Variants in TTC23 observed in about 807,000 individuals in gnomAD.
TTC23 encodes tetratricopeptide repeat domain 23, also known as tetratricopeptide repeat protein 23.
TTC23 carries 58 observed loss-of-function variants against 55.1 expected under a neutral mutation model. That is an observed-to-expected ratio of 1.05 (90% confidence interval 0.85 to 1.31). TTC23 has a LOEUF of 1.31. Among genes scored for constraint, TTC23 ranks in the 50% most tolerant of loss-of-function variants. The pLI is 0.00. For missense variants in TTC23, 516 were observed against 534.4 expected (o/e 0.97, Z 0.34); for synonymous variants, 203 against 199.9 (o/e 1.02, Z -0.13).
intron 12 of TTC23, chr15:99,144,414 CA>C (rs1331279552): frequency 2.6e-5 from 4 of 152,298 alleles, no homozygotes; most frequent in African/African-American, 9.6e-5. Flanking sequence ...TTTTCTGTTT[CA>C]GGGGGATCTG....
At chr15:99,147,133 C>T (rs2068984939) in intron 12 of TTC23, among the ~76,000 whole-genome samples, 2 of 149,774 alleles carry the variant, frequency 1.3e-5, no homozygotes, top group Admixed American at 1.3e-4. Flanking sequence ...CAGTCTAGTC[C>T]TGAACTCTTG....
intron 12 of TTC23, among the ~76,000 whole-genome samples, chr15:99,154,926 G>A (rs2070332004): frequency 6.6e-6 from 1 of 152,172 alleles, no homozygotes; most frequent in Non-Finnish European, 1.5e-5. Flanking sequence ...CTCCACTACT[G>A]TTTATTATTA....
intron 2 of TTC23, among the ~76,000 whole-genome samples, chr15:99,244,904 C>A (rs924140691): frequency 6.6e-6 from 1 of 152,078 alleles, no homozygotes; most frequent in Admixed American, 6.6e-5. Flanking sequence ...TAAAAGTAAT[C>A]AAAAGTGTTG....
At chr15:99,229,003 T>C (rs1358757315) in intron 4 of TTC23, among the ~76,000 whole-genome samples, 1 of 152,142 alleles carries the variant, frequency 6.6e-6, no homozygotes, top group African/African-American at 2.4e-5. Flanking sequence ...TACATGTATA[T>C]GTGTATGTAT....
intron 9 of TTC23, among the ~76,000 whole-genome samples, chr15:99,182,165 C>T: frequency 6.6e-6 from 1 of 151,796 alleles, no homozygotes; most frequent in East Asian, 1.9e-4. Context: ...CTGCCTTAAC[C>T]TCTTTTTCTC....
intron 3 of TTC23, among the ~76,000 whole-genome samples, chr15:99,236,919 A>T (rs980054359): frequency 4.6e-5 from 7 of 150,682 alleles, no homozygotes; most frequent in Admixed American, 6.6e-5. Flanking sequence ...CTGGTGCCAT[A>T]TCTGACAGTT....
At chr15:99,188,541 C>T (rs1165852080) in intron 9 of TTC23, among the ~76,000 whole-genome samples, 2 of 151,870 alleles carry the variant, frequency 1.3e-5, no homozygotes, top group Non-Finnish European at 2.9e-5. Flanking sequence ...AAGATATTTA[C>T]AACATATGTC....
At chr15:99,187,292 C>T (rs1182262751) in intron 9 of TTC23, among the ~76,000 whole-genome samples, 3 of 151,244 alleles carry the variant, frequency 2.0e-5, no homozygotes, top group African/African-American at 7.3e-5. Context: ...AAGTTGGACC[C>T]CTATACCTCA....
chr15:99,227,188 G>C (rs909094655), intron 5 of TTC23, among the ~76,000 whole-genome samples: 4 of 151,992 alleles, frequency 2.6e-5, no homozygotes, highest in African/African-American at 9.7e-5. Flanking sequence ...CTATAATCCT[G>C]GTCTTTCTCC....
chr15:99,222,253 C>G (rs2078003002), intron 5 of TTC23, among the ~76,000 whole-genome samples: 1 of 152,084 alleles, frequency 6.6e-6, no homozygotes, highest in South Asian at 2.1e-4. Context: ...TCAAATAGTA[C>G]ACTTTGTGTG....
intron 8 of TTC23, among the ~76,000 whole-genome samples, chr15:99,217,267 C>T (rs762386575): frequency 5.9e-5 from 9 of 151,794 alleles, no homozygotes; most frequent in Non-Finnish European, 1.0e-4. Context: ...AGCGATTTCT[C>T]CTGCCTCAGC....
intron 9 of TTC23, among the ~76,000 whole-genome samples, chr15:99,185,495 C>G (rs957544409): frequency 2.0e-5 from 3 of 152,076 alleles, no homozygotes; most frequent in East Asian, 1.9e-4. Context: ...CTTTGCAAGT[C>G]AAAATACCCT....
chr15:99,146,141 C>T (rs1164249292), intron 12 of TTC23, among the ~76,000 whole-genome samples: 1 of 152,236 alleles, frequency 6.6e-6, no homozygotes, highest in Non-Finnish European at 1.5e-5. Flanking sequence ...ACAACGACTG[C>T]AATACAAATA....
chr15:99,139,539 C>G (rs1555489152), intron 12 of TTC23, 140 bp from the exon 13 acceptor site: 4 of 1,548,810 alleles, frequency 2.6e-6, no homozygotes, highest in Non-Finnish European at 3.5e-6. Flanking sequence ...TGGGATGTCT[C>G]CTAGTGACTG....
chr15:99,139,835 A>G (rs908292849), intron 12 of TTC23: 5 of 1,028,466 alleles, frequency 4.9e-6, no homozygotes, highest in Non-Finnish European at 6.5e-6. Context: ...TCTTGACTAC[A>G]CAGCAATGTC....
intron 13 of TTC23, among the ~76,000 whole-genome samples, chr15:99,138,903 C>T (rs942136110): frequency 1.3e-5 from 2 of 152,306 alleles, no homozygotes; most frequent in Middle Eastern, 3.4e-3. Context: ...GGCCTCTGCT[C>T]GGGCTGAGAA....
chr15:99,245,973 C>T (rs974662852), intron 1 of TTC23, among the ~76,000 whole-genome samples: 2 of 152,038 alleles, frequency 1.3e-5, no homozygotes, highest in African/African-American at 2.4e-5. Flanking sequence ...TGCCTACCAC[C>T]ACGCCCAGCT....
chr15:99,139,696 C>T, intron 12 of TTC23: 1 of 1,376,900 alleles, frequency 7.3e-7, no homozygotes, highest in Non-Finnish European at 9.6e-7. Context: ...TGGTACTGAC[C>T]AGAGGATGGG....
chr15:99,220,984 A>G (rs1291457114), intron 6 of TTC23, among the ~76,000 whole-genome samples: 1 of 152,218 alleles, frequency 6.6e-6, no homozygotes, highest in Admixed American at 6.5e-5. Flanking sequence ...TCAGGATCCA[A>G]TGAAGCCAAA....
Sources: allele counts gnomAD v4.1 joint callset (sites outside exome capture counted in the v4.1 genomes callset), GRCh38; gene constraint gnomAD v4.1.1; transcripts MANE v1.5; gene names NCBI Gene and HGNC (gene_info 2026-07-23, HGNC 2026-07-21).